DDX60: variants seen among roughly 807,000 people sequenced by gnomAD.
The protein encoded by DDX60 is probable ATP-dependent RNA helicase DDX60.
DDX60 carries 165 observed loss-of-function variants against 212.8 expected under a neutral mutation model. That is an observed-to-expected ratio of 0.78 (90% CI 0.68 to 0.88). DDX60 has a LOEUF of 0.88. Among genes scored for constraint, DDX60 ranks in the 40% least tolerant of loss-of-function variants. The pLI is 0.00. For synonymous variants in DDX60, 703 were observed against 685.3 expected (o/e 1.03, Z -0.40); for missense variants, 1,905 against 2,003.9 (o/e 0.95, Z 0.94).
chr4:168,288,259 A>G lies in DDX60; in HGVS notation c.1098T>C (p.Asn366=). The change falls in exon 9 of 38, where the codon AAT becomes AAC. Residue 366 remains asparagine, a synonymous_variant. Coordinates refer to ENST00000393743, the MANE Select transcript of DDX60 (RefSeq NM_017631.6). ...LRNIHTFEFW[N]LNLIHLSDLN... ...AGTCAGAAAGGTGAATTAAATTCAG[A>G]TTCCAAAATTCAAAAGTATGTATAT... The G allele has an allele frequency of 6.6e-7, 1 of 1,504,352 alleles. No individual in the cohort carries two copies. Among genetic ancestry groups the G allele is most frequent in the Middle Eastern group, 1.7e-4 (1 of 5,792 alleles). 93.2% of individuals were successfully genotyped at this position (1,504,352 alleles called of 1,614,324 possible). A position where few individuals can be genotyped will look rare whatever the true frequency, so the allele number is the denominator to read the frequency against.
intron 37 of DDX60, 74 bp from the exon 38 acceptor site, chr4:168,217,106 G>T (rs1732874894): frequency 1.1e-6 from 1 of 932,542 alleles, no homozygotes; most frequent in Non-Finnish European, 1.6e-6. Flanking sequence ...TCCTTGGTTA[G>T]GCAGAAGTAA....
In DDX60 at chr4:168,291,374, T is replaced by C. The variant is rs147363170; in HGVS notation, c.1041+374A>G. ...CTTCTATTTCTCTAAAGTATCCAAA[T>C]TGTCTCTAAATATTCTCTATAAGAG... On this transcript the variant is annotated intron_variant, in intron 8 of 37. Coordinates refer to ENST00000393743, the MANE Select transcript of DDX60 (RefSeq NM_017631.6). 3.5e-3 allele frequency among the ~76,000 whole-genome samples: 535 copies of C among 152,304 alleles called. 2 individuals are homozygous for C. Among genetic ancestry groups the C allele is most frequent in the African/African-American group, 0.011 (477 of 41,572 alleles).
rs759904885 is a variant in DDX60, at chr4:168,306,538, G to C, written c.447C>G (p.Gly149=). Residue 149 remains glycine (G), a synonymous_variant, in exon 5 of 38, where the codon GGC becomes GGG. Coordinates refer to ENST00000393743, the MANE Select transcript of DDX60 (RefSeq NM_017631.6). ...YPYFLIVADE[G]LNDLQTQLFN... The stretch of plus-strand genomic sequence containing the variant: ...AAAGCTGTGTTTGTAGATCGTTCAG[G>C]CCTTCGTCTGCAACTATCAGGAAAT... 1.2e-6 allele frequency: 2 copies of C among 1,614,132 alleles called. No individual in the cohort carries two copies. Among genetic ancestry groups the C allele is most frequent in the Non-Finnish European group, 1.7e-6 (2 of 1,180,012 alleles).
chr4:168,265,666 T>G (rs1734809729), intron 22 of DDX60: 6 of 152,286 alleles, frequency 3.9e-5, no homozygotes, highest in Admixed American at 3.9e-4. Flanking sequence ...CAGCAAGTAC[T>G]CCAAACCACT....
At chr4:168,289,196 C>A (rs1408850168) in intron 8 of DDX60, among the ~76,000 whole-genome samples, 1 of 152,188 alleles carries the variant, frequency 6.6e-6, no homozygotes, top group Non-Finnish European at 1.5e-5. Flanking sequence ...AGGTAAAGTA[C>A]AACCTAGACC....
In DDX60 at chr4:168,280,330, C is replaced by T; in HGVS notation, c.1978+5G>A. The T allele has an allele frequency of 1.9e-6, 3 of 1,604,130 alleles. No homozygotes were observed. The highest frequency in any genetic ancestry group is 2.6e-6 in the Non-Finnish European group (3 of 1,175,530). ...TCACCGAAATAACAAAACAGAATTA[C>T]ATACCTTCTTCACTTCGGCAATGTT... On this transcript the variant is annotated splice_donor_5th_base_variant and intron_variant, in intron 14 of 37. Coordinates refer to ENST00000393743, the MANE Select transcript of DDX60 (RefSeq NM_017631.6).
rs1734920744 is a variant in DDX60 at position 168,267,920 on chromosome 4, A to G, written c.2850T>C (p.Ala950=). The G allele has an allele frequency of 6.2e-7, 1 of 1,613,336 alleles. No homozygotes were observed. Among genetic ancestry groups the G allele is most frequent in the African/African-American group, 1.3e-5 (1 of 75,036 alleles). Residue 950 remains alanine (A), a synonymous_variant, in exon 21 of 38, where the codon GCT becomes GCC. Transcript: ENST00000393743. Reference sequence around the variant, plus strand: ...CCTGACGACCCACATGTCTTTTAGAAGCGGTATTATTTTCAATTATTTTGT... The same window carrying G: ...CCTGACGACCCACATGTCTTTTAGAGGCGGTATTATTTTCAATTATTTTGT... ...QEDKIIENNT[A]SKRHVGRQAG...
chr4:168,252,148 G>A (rs188889086), intron 27 of DDX60, among the ~76,000 whole-genome samples: 2 of 152,280 alleles, frequency 1.3e-5, no homozygotes, highest in African/African-American at 4.8e-5. Context: ...TCAGGCTGTG[G>A]AAACAATGTA....
intron 11 of DDX60, 105 bp downstream of exon 11, chr4:168,285,288 A>C: frequency 2.8e-6 from 2 of 721,738 alleles, no homozygotes; most frequent in Non-Finnish European, 4.6e-6. Flanking sequence ...ACAAACACAT[A>C]CTACATGTAA....
rs1460086405 is a variant in DDX60 at position 168,308,094 on chromosome 4, C to A, written c.176G>T (p.Gly59Val). The change falls in exon 4 of 38, where the codon GGG becomes GTG. Residue 59 changes from glycine (G) to valine (V), a missense_variant. Physicochemically the swap from Gly to Val is moderately radical, Grantham distance 109 (BLOSUM62 -3). Coordinates refer to ENST00000393743, the MANE Select transcript of DDX60 (RefSeq NM_017631.6). Reference protein sequence around the residue: ...TCICEISFKPGQNLHFFYLVE... With the variant: ...TCICEISFKPVQNLHFFYLVE... ...CAGATAGAAGAAATGGAGGTTCTGC[C>A]CAGGCTTAAATGATATCTCACAGAT... The A allele has an allele frequency of 6.2e-7, 1 of 1,611,418 alleles. No homozygotes were observed. Among genetic ancestry groups the A allele is most frequent in the Non-Finnish European group, 8.5e-7 (1 of 1,179,130 alleles).
chr4:168,257,709 T>C (rs1734469411), intron 25 of DDX60, among the ~76,000 whole-genome samples: 1 of 152,180 alleles, frequency 6.6e-6, no homozygotes, highest in Non-Finnish European at 1.5e-5. Context: ...ACATTTTATG[T>C]CAACCAAAAC....
chr4:168,223,155 G>A (rs774583017), intron 35 of DDX60, among the ~76,000 whole-genome samples: 8 of 152,128 alleles, frequency 5.3e-5, no homozygotes, highest in Middle Eastern at 3.4e-3. Flanking sequence ...GGGAAAACGG[G>A]AGACAAGAAA....
chr4:168,324,865 A>G, the DDX60 span, among the ~76,000 whole-genome samples: 1 of 152,224 alleles, frequency 6.6e-6, no homozygotes, highest in African/African-American at 2.4e-5. Flanking sequence ...GGGTAGAAGC[A>G]GTTAAGATCT....
At chr4:168,266,608 G>T (rs1006893136) in intron 22 of DDX60, among the ~76,000 whole-genome samples, 1 of 152,158 alleles carries the variant, frequency 6.6e-6, no homozygotes, top group African/African-American at 2.4e-5. Flanking sequence ...TTGGCATCCG[G>T]TTTGAAATAT....
intron 24 of DDX60, among the ~76,000 whole-genome samples, chr4:168,261,221 C>T (rs893712300): frequency 2.0e-5 from 3 of 152,010 alleles, no homozygotes; most frequent in African/African-American, 7.3e-5. Flanking sequence ...GCAATTTAAC[C>T]TGCAATTTTT....
chr4:168,233,263 A>T (rs1007277547), intron 33 of DDX60, among the ~76,000 whole-genome samples: 2 of 152,132 alleles, frequency 1.3e-5, no homozygotes, highest in African/African-American at 4.8e-5. Context: ...GCTGGTGGAA[A>T]TGTAAACTAG....
rs200140137 is a variant in DDX60, at chr4:168,291,749, A to G, written c.1040T>C (p.Met347Thr). The change falls in exon 8 of 38, where the codon ATG becomes ACG. Residue 347 changes from methionine to threonine, a missense_variant and splice_region_variant. By Grantham distance (81) the Met-to-Thr change is moderately conservative. Coordinates refer to ENST00000393743, the MANE Select transcript of DDX60 (RefSeq NM_017631.6). ...WAEDMKPLLQ[M>T]KKWCEYFILR... ...TAAACTAATAAAGAGTACATTTACCATTTGTAATAAAGGCTTCATGTCCTC... is the reference window on the plus strand; with the variant it reads ...TAAACTAATAAAGAGTACATTTACCGTTTGTAATAAAGGCTTCATGTCCTC... 1.2e-4 allele frequency: 182 copies of G among 1,578,168 alleles called. No homozygotes were observed. In the East Asian group the frequency reaches 4.0e-3, roughly 35 times the overall value.
chr4:168,263,957 T>C (rs1342909080), intron 22 of DDX60, among the ~76,000 whole-genome samples: 1 of 152,166 alleles, frequency 6.6e-6, no homozygotes, highest in African/African-American at 2.4e-5. Context: ...CTCAAAGAAG[T>C]AAATATAGCA....
At chr4:168,252,340 G>T (rs72975333) in intron 27 of DDX60, among the ~76,000 whole-genome samples, 169 bp downstream of exon 27, 10,119 of 152,236 alleles carry the variant, frequency 0.066, 1,053 homozygotes, top group African/African-American at 0.23. Context: ...GATATGCACT[G>T]CAGAGCATTC....
Sources: gnomAD v4.1 joint callset for allele counts (sites outside exome capture counted in the v4.1 genomes callset) on GRCh38, gnomAD v4.1.1 for gene constraint, MANE v1.5 for transcripts, NCBI Gene and HGNC (gene_info 2026-07-23, HGNC 2026-07-21) for gene names.